Variants in CSMD3 observed in about 807,000 individuals in gnomAD.
The protein encoded by CSMD3 is CUB and sushi domain-containing protein 3.
In CSMD3, 177 loss-of-function variants were observed where a neutral mutation model predicts 435.2. That is an observed-to-expected ratio of 0.41 (90% confidence interval 0.36 to 0.46). The LOEUF (loss-of-function observed/expected upper bound fraction) is 0.46, where lower values mean the gene tolerates loss of function less well. Among genes scored for constraint, CSMD3 ranks in the 20% least tolerant of loss-of-function variants. The pLI is 0.34. For missense variants in CSMD3, 4,265 were observed against 4,504.6 expected (o/e 0.95, Z 1.52); for synonymous variants, 1,656 against 1,520.5 (o/e 1.09, Z -2.07).
chr8:113,106,148 C>A (rs1206555271), intron 4 of CSMD3, among the ~76,000 whole-genome samples: 2 of 150,932 alleles, frequency 1.3e-5, no homozygotes, highest in Admixed American at 6.6e-5. Flanking sequence ...AACAAACGAA[C>A]CAAAATCAAA....
At chr8:112,406,164 A>G (rs1296202952) in intron 35 of CSMD3, among the ~76,000 whole-genome samples, 1 of 152,118 alleles carries the variant, frequency 6.6e-6, no homozygotes, top group Non-Finnish European at 1.5e-5. Context: ...CCTACTGTGT[A>G]CCCACAACAA....
chr8:112,448,266 G>A (rs80107342), intron 32 of CSMD3, among the ~76,000 whole-genome samples: 1,569 of 152,110 alleles, frequency 0.01, 30 homozygotes, highest in African/African-American at 0.035. Flanking sequence ...ATTGGATCAG[G>A]GCCCCACCTT....
At chr8:113,402,223 T>G (rs1008587380) in intron 1 of CSMD3, among the ~76,000 whole-genome samples, 1 of 124,420 alleles carries the variant, frequency 8.0e-6, no homozygotes, top group Non-Finnish European at 1.8e-5. Context: ...TTGACAGCTG[T>G]TTTCATCACC....
chr8:112,352,660 G>A (rs1228401336), intron 38 of CSMD3, 126 bp from the exon 39 acceptor site: 4 of 823,790 alleles, frequency 4.9e-6, no homozygotes, highest in Non-Finnish European at 8.2e-6. Flanking sequence ...GAGACGTTGA[G>A]AACGTTCTGT....
chr8:113,355,745 T>TAC (rs1187040972), intron 1 of CSMD3, among the ~76,000 whole-genome samples: 2,660 of 91,708 alleles, frequency 0.029, 55 homozygotes, highest in African/African-American at 0.047. Context: ...TATATATATA[T>TAC]ATATACACAC....
intron 11 of CSMD3, among the ~76,000 whole-genome samples, chr8:112,838,732 A>T (rs1010577344): frequency 1.3e-5 from 2 of 151,750 alleles, no homozygotes; most frequent in Non-Finnish European, 2.9e-5. Flanking sequence ...GAATAATTCT[A>T]AAACTTGGCT....
chr8:113,106,346 G>T (rs550844741), intron 4 of CSMD3, among the ~76,000 whole-genome samples: 1 of 151,842 alleles, frequency 6.6e-6, no homozygotes, highest in Non-Finnish European at 1.5e-5. Context: ...ATACTCAATG[G>T]GCCTCATAGA....
At chr8:112,633,986 G>C (rs2074586975) in intron 22 of CSMD3, among the ~76,000 whole-genome samples, 1 of 152,010 alleles carries the variant, frequency 6.6e-6, no homozygotes, top group South Asian at 2.1e-4. Context: ...GCAAACTTTT[G>C]AAATACAACC....
chr8:113,427,430 G>A (rs2094642163), intron 1 of CSMD3, among the ~76,000 whole-genome samples: 1 of 150,664 alleles, frequency 6.6e-6, no homozygotes, highest in South Asian at 2.1e-4. Context: ...GGATTTTGGG[G>A]TAGGCACAGT....
intron 59 of CSMD3, among the ~76,000 whole-genome samples, chr8:112,275,259 A>C (rs981083382): frequency 2.6e-5 from 4 of 152,150 alleles, no homozygotes; most frequent in Non-Finnish European, 5.9e-5. Flanking sequence ...AAAGAAAAAG[A>C]GGTTTAGGCT....
intron 10 of CSMD3, among the ~76,000 whole-genome samples, chr8:112,867,138 T>C (rs2081007577): frequency 6.6e-6 from 1 of 152,074 alleles, no homozygotes; most frequent in Non-Finnish European, 1.5e-5. Flanking sequence ...TTGAGAGAAA[T>C]GGTGTGACTA....
At chr8:113,298,478 TAATAA>T (rs2093739043) in intron 2 of CSMD3, among the ~76,000 whole-genome samples, 1 of 152,170 alleles carries the variant, frequency 6.6e-6, no homozygotes, top group African/African-American at 2.4e-5. Context: ...ATCTGTTTCA[TAATAA>T]AATATTCCTT....
intron 1 of CSMD3, among the ~76,000 whole-genome samples, chr8:113,370,435 C>A (rs189378696): frequency 6.6e-6 from 1 of 150,568 alleles, no homozygotes; most frequent in Non-Finnish European, 1.5e-5. Context: ...ATCTTGTAGA[C>A]AACTGTAGGA....
At chr8:113,434,835 G>C (rs995518928) in intron 1 of CSMD3, among the ~76,000 whole-genome samples, 4 of 152,188 alleles carry the variant, frequency 2.6e-5, no homozygotes, top group African/African-American at 4.8e-5. Context: ...GCGGATCAGC[G>C]TTAGTCAGGC....
At chr8:112,380,515 T>A (rs1265080014) in intron 37 of CSMD3, 59 bp from the exon 38 acceptor site, 4 of 890,906 alleles carry the variant, frequency 4.5e-6, no homozygotes, top group Non-Finnish European at 7.6e-6. Flanking sequence ...ATAATAAAAT[T>A]AAGTAAGTTT....
chr8:112,577,013 C>G (rs1829997866), intron 23 of CSMD3, among the ~76,000 whole-genome samples: 2 of 152,110 alleles, frequency 1.3e-5, no homozygotes, highest in East Asian at 3.9e-4. Context: ...TTATTTAACA[C>G]TGTTGAGTCA....
chr8:112,588,177 GA>G (rs566659399), intron 22 of CSMD3, among the ~76,000 whole-genome samples: 36 of 139,374 alleles, frequency 2.6e-4, no homozygotes, highest in East Asian at 2.5e-3. Context: ...AACTGAAAAG[GA>G]AAAAAAAAAC....
intron 13 of CSMD3, among the ~76,000 whole-genome samples, chr8:112,712,869 C>A (rs2076640070): frequency 6.6e-6 from 1 of 151,748 alleles, no homozygotes; most frequent in Non-Finnish European, 1.5e-5. Context: ...TTAGGTGCTG[C>A]AGACTTCCTT....
At chr8:112,567,532 T>G (rs1162202517) in intron 24 of CSMD3, among the ~76,000 whole-genome samples, 2 of 152,054 alleles carry the variant, frequency 1.3e-5, no homozygotes, top group African/African-American at 4.8e-5. Flanking sequence ...AGATTAATAA[T>G]TTCAATAATA....
Sources: allele counts gnomAD v4.1 joint callset (sites outside exome capture counted in the v4.1 genomes callset), GRCh38; gene constraint gnomAD v4.1.1; transcripts MANE v1.5; gene names NCBI Gene and HGNC (gene_info 2026-07-23, HGNC 2026-07-21).